Variants in PPM1F observed in about 807,000 individuals in gnomAD.
PPM1F encodes protein phosphatase, Mg2+/Mn2+ dependent 1F, also known as protein phosphatase 1F.
Under a neutral mutation model 35.5 loss-of-function variants are expected in PPM1F, and 17 were observed. That is an observed-to-expected ratio of 0.48 (90% CI 0.33 to 0.72). PPM1F has a LOEUF of 0.72. Ranked by LOEUF, PPM1F falls within the 30% of genes least tolerant of loss-of-function variation. The probability of loss-of-function intolerance (pLI) is 0.02; values close to 1 mark genes in which losing one functional copy is unlikely to be tolerated. For synonymous variants in PPM1F, 241 were observed against 255.5 expected (o/e 0.94, Z 0.54); for missense variants, 521 against 613.0 (o/e 0.85, Z 1.59).
chr22:21,930,695 G>A (rs1293447035), intron 6 of PPM1F, among the ~76,000 whole-genome samples: 1 of 152,190 alleles, frequency 6.6e-6, no homozygotes, highest in Non-Finnish European at 1.5e-5. Flanking sequence ...AGAGGTCTGA[G>A]TGGGACTGTC....
chr22:21,928,297 C>G (rs2070544902), intron 6 of PPM1F, among the ~76,000 whole-genome samples: 1 of 152,160 alleles, frequency 6.6e-6, no homozygotes, highest in South Asian at 2.1e-4. Context: ...GCCCAAGGCC[C>G]TCTGCGATGT....
chr22:21,925,873 C>A (rs2070508177), intron 6 of PPM1F: 1 of 463,446 alleles, frequency 2.2e-6, no homozygotes, highest in Non-Finnish European at 3.8e-6. Context: ...CCTTTAGTTG[C>A]AGGAATGGTG....
At chr22:21,942,323 T>C (rs1432678911) in intron 2 of PPM1F, 2 of 150,040 alleles carry the variant, frequency 1.3e-5, no homozygotes, top group East Asian at 3.9e-4. Context: ...CAGGCTGGAG[T>C]GCAATGGCGT....
At chr22:21,925,710 G>C (rs371183538) in intron 6 of PPM1F, 48 bp from the exon 7 acceptor site, 1 of 1,449,306 alleles carries the variant, frequency 6.9e-7, no homozygotes, top group African/African-American at 1.4e-5. Flanking sequence ...GGGATGGGGC[G>C]TGAAGCCCCC....
rs777222904 is a variant in PPM1F, at chr22:21,931,223, G to T, written c.816C>A (p.Leu272=). The T allele has an allele frequency of 1.9e-6, 3 of 1,613,984 alleles. No individual in the cohort carries two copies. Among genetic ancestry groups the T allele is most frequent in the Non-Finnish European group, 2.5e-6 (3 of 1,180,044 alleles). Residue 272 remains leucine, a synonymous_variant, in exon 6 of 8, where the codon CTC becomes CTA. Transcript: ENST00000263212. ...IAGATLHVAW[L]GDSQVILVQQ... ...GTACCAAAATGACCTGGGAATCCCC[G>T]AGCCAGGCGACGTGCAGGGTCGCTC... is the stretch of plus-strand genomic sequence containing the variant.
At chr22:21,950,799 A>C (rs956366496) in intron 1 of PPM1F, 1 of 151,892 alleles carries the variant, frequency 6.6e-6, no homozygotes, top group Non-Finnish European at 1.5e-5. Context: ...ATTTTTTTGT[A>C]TTTTTAGTAG....
chr22:21,938,038 G>A, intron 3 of PPM1F: 5 of 1,186,034 alleles, frequency 4.2e-6, no homozygotes, highest in Non-Finnish European at 5.4e-6. Flanking sequence ...GACAGGGAGA[G>A]CATGATCAAG....
rs1337812894 is a variant in PPM1F at position 21,923,075 on chromosome 22, A to AGG, written c.*15_*16dup. The AGG allele has an allele frequency of 6.3e-7, 1 of 1,579,036 alleles. No homozygotes were observed. The highest frequency in any genetic ancestry group is 1.2e-5 in the South Asian group (1 of 86,360). On this transcript the variant is annotated 3_prime_UTR_variant, in exon 8 of 8. Transcript: ENST00000263212. ...ACAAGGATGGGAGGAAGGGGAGGGC[A>AGG]GGGGCCTGGAAACCACCTAGCTTCT...
rs2145802452 is a variant in PPM1F, at chr22:21,939,023, C to T, written c.355+509G>A. 6.2e-6 allele frequency: 1 copy of T among 161,072 alleles called. No homozygotes were observed. The highest frequency in any genetic ancestry group is 1.4e-5 in the Non-Finnish European group (1 of 72,790). The allele number at this position is 161,072 out of a possible 1,614,324, so 10.0% of individuals were successfully genotyped here. ...GACACCGTAGAGCGTCTCCACCCAA[C>T]AGAATCCTGACTTGGGGGCAGCTGA... On this transcript the variant is annotated intron_variant, in intron 3 of 7. Transcript: ENST00000263212. This position sits in a 1 kb window ranked among gnomAD's most constrained non-coding sequence, Gnocchi z 5.1.
In PPM1F at chr22:21,925,661, TC is replaced by T. The variant is rs1412494428; in HGVS notation, c.892del (p.Asp298MetfsTer51). 6.3e-7 allele frequency: 1 copy of T among 1,578,582 alleles called. No individual in the cohort carries two copies. Among genetic ancestry groups the T allele is most frequent in the African/African-American group, 1.3e-5 (1 of 74,196 alleles). ...LMEPHRPERQDEKARIEALGG... is the reference protein window; with the variant it reads ...LMEPHRPERQXEKARIEALGG... ...CAATGCTTCAATGCGCGCCTTCTCA[TC>T]CTGCAGAAACACAGCCAGAGTTGGG... is the stretch of plus-strand genomic sequence containing the variant. On this transcript the variant is annotated frameshift_variant and splice_region_variant, in exon 7 of 8. Transcript: ENST00000263212. LOFTEE classifies it high-confidence loss of function.
In PPM1F at chr22:21,935,368, G is replaced by GTGGC. The variant is rs2070647339; in HGVS notation, c.356-1146_356-1143dup. 4 of 152,196 alleles carry GTGGC rather than the reference G, an allele frequency of 2.6e-5. No homozygotes were observed. The South Asian group carries it at 6.2e-4, about 24-fold the overall frequency. The allele number at this position is 152,196 out of a possible 1,614,324, so 9.4% of individuals were successfully genotyped here. Reference sequence around the variant, plus strand: ...GGTCTGTAGGGGTGGGGGTATAAGGGTGGCCTTAAAAGGGTGACAGGAGGG... The same window carrying GTGGC: ...GGTCTGTAGGGGTGGGGGTATAAGGGTGGCTGGCCTTAAAAGGGTGACAGGAGGG... On this transcript the variant is annotated intron_variant, in intron 3 of 7. Transcript: ENST00000263212.
chr22:21,931,290 C>T lies in PPM1F; in HGVS notation c.749G>A (p.Arg250Gln), dbSNP rs754710375. The T allele has an allele frequency of 8.6e-5, 138 of 1,611,856 alleles. No homozygotes were observed. Among genetic ancestry groups the T allele is most frequent in the Non-Finnish European group, 1.0e-4 (120 of 1,179,822 alleles). Residue 250 changes from arginine to glutamine, a missense_variant and splice_region_variant, in exon 6 of 8, where the codon CGG (arginine) becomes CAG (glutamine). Arg to Gln is a conservative substitution (Grantham distance 43, BLOSUM62 1). Transcript: ENST00000263212. ...QMFLRKAKRE[R>Q]LQSGTTGVCA... ...CACACCTGTGGTGCCGCTCTGCAGC[C>T]GCTGCAGGGAGAGAGGGCCCATGAG...
At chr22:21,941,371 C>G (rs974189477) in intron 2 of PPM1F, 2 of 152,570 alleles carry the variant, frequency 1.3e-5, no homozygotes, top group South Asian at 2.1e-4. Flanking sequence ...CAAACAGGAG[C>G]AGACAGAGTC....
Position 21,945,990 on chromosome 22 carries a change from G to T in PPM1F, c.59C>A (p.Pro20Gln). 6.2e-7 allele frequency: 1 copy of T among 1,607,278 alleles called. No individual in the cohort carries two copies. Among genetic ancestry groups the T allele is most frequent in the South Asian group, 1.1e-5 (1 of 90,212 alleles). The change falls in exon 2 of 8, where the codon CCA becomes CAA. Residue 20 changes from proline to glutamine, a missense_variant. Physicochemically the swap from Pro to Gln is moderately conservative, Grantham distance 76. This residue lies in a region of PPM1F where 311 missense variants were observed against 351.5 expected (regional missense o/e 0.88). Coordinates refer to ENST00000263212, the MANE Select transcript of PPM1F (RefSeq NM_014634.4). ...TTGCAGGAGCGTGTCCAGGAAGCCT[G>T]GGGTCTCCTCAGCTCCACTGGCCAT... Reference protein sequence around the residue: ...SPMASGAEETPGFLDTLLQDF... With the variant: ...SPMASGAEETQGFLDTLLQDF...
At chr22:21,944,638 C>T (rs1403251945) in intron 2 of PPM1F, 2 of 152,254 alleles carry the variant, frequency 1.3e-5, no homozygotes, top group African/African-American at 4.8e-5. Flanking sequence ...CCAGCCTGCT[C>T]ACCTCCATGA....
rs2070462704 is a variant in PPM1F, at chr22:21,922,882, G to C, written c.*210C>G. 2 of 630,912 alleles carry C rather than the reference G, an allele frequency of 3.2e-6. No individual in the cohort carries two copies. The highest frequency in any genetic ancestry group is 4.3e-5 in the South Asian group (2 of 47,012). The allele number at this position is 630,912 out of a possible 1,614,324, so 39.1% of individuals were successfully genotyped here. A position where few individuals can be genotyped will look rare whatever the true frequency, so the allele number is the denominator to read the frequency against. ...TCTTCTCTTTGGTGAGGTCTCCTAA[G>C]CTGCCTTCCACCATCTGCCCGCCAC... On this transcript the variant is annotated 3_prime_UTR_variant, in exon 8 of 8. Coordinates refer to ENST00000263212, the MANE Select transcript of PPM1F (RefSeq NM_014634.4).
chr22:21,947,196 CTGCCT>C (rs1466778028), intron 1 of PPM1F: 1 of 152,770 alleles, frequency 6.5e-6, no homozygotes, highest in Non-Finnish European at 1.5e-5. Flanking sequence ...CCCAGCCTGC[CTGCCT>C]TGCCTATACC....
intron 2 of PPM1F, chr22:21,945,106 T>C (rs1601792212): frequency 6.6e-6 from 1 of 152,280 alleles, no homozygotes; most frequent in South Asian, 2.1e-4. Flanking sequence ...ATGCAATAAA[T>C]TGTGTTCCCT....
At chr22:21,946,168 C>G in intron 1 of PPM1F, 60 bp from the exon 2 acceptor site, 1 of 779,264 alleles carries the variant, frequency 1.3e-6, no homozygotes, top group Non-Finnish European at 1.9e-6. Context: ...AATGCAGGTG[C>G]CCACCTGCAA....
Sources: gnomAD v4.1 joint callset for allele counts (sites outside exome capture counted in the v4.1 genomes callset) on GRCh38, gnomAD v4.1.1 for gene constraint, gnomAD v4.1.1 regional missense constraint, Gnocchi (gnomAD v3.1) non-coding constraint, MANE v1.5 for transcripts, NCBI Gene and HGNC (gene_info 2026-07-23, HGNC 2026-07-21) for gene names.